Variants in FAM53A observed in about 807,000 individuals in gnomAD.
FAM53A encodes the protein family with sequence similarity 53 member A, also known as protein FAM53A.
Under a neutral mutation model 26.6 loss-of-function variants are expected in FAM53A, and 28 were observed. The observed-to-expected ratio is 1.05, with a 90% CI of 0.78 to 1.45. The LOEUF (loss-of-function observed/expected upper bound fraction) is 1.45. Among genes scored for constraint, FAM53A ranks in the 40% most tolerant of loss-of-function variants. The pLI, the probability that FAM53A is intolerant of heterozygous loss-of-function variation, is 0.00. For synonymous variants in FAM53A, 290 were observed against 253.1 expected, an observed-to-expected ratio of 1.15 and a Z score of -1.38; for missense variants, 650 against 575.8, an observed-to-expected ratio of 1.13 and a Z score of -1.32.
downstream of FAM53A, among the ~76,000 whole-genome samples, chr4:1,635,164 C>A (rs1350352775): frequency 2.0e-5 from 3 of 152,188 alleles, no homozygotes; most frequent in East Asian, 5.8e-4. Flanking sequence ...TGCTCATTCT[C>A]CCCTTTTCTC....
chr4:1,617,909 A>T, downstream of FAM53A: 2 of 398,146 alleles, frequency 5.0e-6, no homozygotes, highest in East Asian at 1.4e-4. Flanking sequence ...AGCAGTCGGC[A>T]GCTGCTGGTG....
intron 1 of FAM53A, among the ~76,000 whole-genome samples, chr4:1,619,003 G>A (rs1037094741): frequency 6.6e-5 from 10 of 152,216 alleles, no homozygotes; most frequent in African/African-American, 4.8e-5. Context: ...AACAAGACGG[G>A]GAAGGGGATG....
the FAM53A span, among the ~76,000 whole-genome samples, chr4:1,599,925 C>G: frequency 6.6e-6 from 1 of 152,056 alleles, no homozygotes; most frequent in African/African-American, 2.4e-5. The surrounding 1 kb of genome is among the most constrained non-coding windows in gnomAD (Gnocchi z 6.1). Flanking sequence ...CGCCCCTCCC[C>G]CTCCTATTTC....
chr4:1,598,175 C>T, the FAM53A span, among the ~76,000 whole-genome samples: 3 of 152,360 alleles, frequency 2.0e-5, no homozygotes, highest in African/African-American at 4.8e-5. Context: ...GCCCCTTCTC[C>T]GGCTGTGGGG....
downstream of FAM53A, among the ~76,000 whole-genome samples, chr4:1,617,140 A>T (rs190474188): frequency 4.2e-4 from 46 of 109,586 alleles, no homozygotes; most frequent in East Asian, 3.8e-3. Flanking sequence ...TTGAAATTTT[A>T]AAAAAAAGTT....
chr4:1,633,385 T>C (rs1715697961), intron 1 of FAM53A, among the ~76,000 whole-genome samples: 1 of 152,228 alleles, frequency 6.6e-6, no homozygotes, highest in Admixed American at 6.5e-5. Context: ...GAGACGATTT[T>C]ATAATTATAT....
At chr4:1,581,343 G>T in the FAM53A span, among the ~76,000 whole-genome samples, 3 of 151,816 alleles carry the variant, frequency 2.0e-5, no homozygotes, top group African/African-American at 7.3e-5. Context: ...CTGTGGTCTT[G>T]CATGCCACAG....
chr4:1,684,583 C>A (rs138928468), upstream of FAM53A, among the ~76,000 whole-genome samples: 1 of 151,776 alleles, frequency 6.6e-6, no homozygotes, highest in East Asian at 1.9e-4. Context: ...TCGGCGGCGT[C>A]CTCCAGGCCT....
At chr4:1,613,925 C>G (rs2108729696), downstream of FAM53A, among the ~76,000 whole-genome samples, 1 of 152,350 alleles carries the variant, frequency 6.6e-6, no homozygotes, top group African/African-American at 2.4e-5. Flanking sequence ...GAGGGAGAGG[C>G]TGGGATCACA....
chr4:1,675,178 G>A (rs1478988159), intron 1 of FAM53A, among the ~76,000 whole-genome samples: 1 of 152,222 alleles, frequency 6.6e-6, no homozygotes, highest in African/African-American at 2.4e-5. Context: ...CTGGGTTCCA[G>A]GTAGATGTAG....
rs116273450 is a variant in FAM53A at position 1,647,832 on chromosome 4, G to A, written c.883-6225C>T. 3.2e-3 allele frequency among the ~76,000 whole-genome samples: 494 copies of A among 152,304 alleles called. 2 individuals carry two copies. The highest frequency in any genetic ancestry group is 0.011 in the African/African-American group (457 of 41,552). ...CACCCAGAGTCAGGACTAATTGTCC[G>A]GTAACACACAATTATAAAAGTTGTA... On this transcript the variant is annotated intron_variant, in intron 4 of 4. Coordinates refer to ENST00000308132, the MANE Select transcript of FAM53A (RefSeq NM_001174070.3).
chr4:1,637,971 C>A (rs560791960), downstream of FAM53A, among the ~76,000 whole-genome samples: 11 of 151,846 alleles, frequency 7.2e-5, no homozygotes, highest in African/African-American at 2.4e-4. Flanking sequence ...GGACCCCCTG[C>A]CTGTGGCTAG....
intron 1 of FAM53A, among the ~76,000 whole-genome samples, chr4:1,620,797 A>C (rs1714994074): frequency 6.6e-6 from 1 of 152,220 alleles, no homozygotes; most frequent in Non-Finnish European, 1.5e-5. Context: ...CAACAGCAAC[A>C]CCAAAACACA....
At chr4:1,655,780 G>A (rs925406016) in intron 3 of FAM53A, 57 bp from the exon 4 acceptor site, 44 of 1,460,738 alleles carry the variant, frequency 3.0e-5, no homozygotes, top group East Asian at 7.7e-5. Context: ...CAGGGCAGGC[G>A]ACATCCATCC....
intron 2 of FAM53A, among the ~76,000 whole-genome samples, chr4:1,663,595 C>T (rs536079531): frequency 2.2e-4 from 34 of 152,160 alleles, no homozygotes; most frequent in Non-Finnish European, 3.1e-4. Context: ...CTGTCCACCA[C>T]GGCAGCCACC....
rs940512416 is a variant in FAM53A, at chr4:1,653,323, G to A, written c.882+1655C>T. ...TCCACACTGAGCCCCATGCAGCCTC[G>A]ATCACCAACTCACCCAACCACCTGG... On this transcript the variant is annotated intron_variant, in intron 4 of 4. Transcript: ENST00000308132. Among the ~76,000 whole-genome samples, 10 of 152,094 alleles carry A rather than the reference G, an allele frequency of 6.6e-5. No individual in the cohort carries two copies. In the East Asian group the frequency reaches 1.5e-3, roughly 23 times the overall value.
intron 1 of FAM53A, among the ~76,000 whole-genome samples, chr4:1,634,616 G>A (rs553107753): frequency 6.6e-6 from 1 of 152,302 alleles, no homozygotes; most frequent in East Asian, 1.9e-4. Context: ...ATCATCTGGG[G>A]GCCAGGCATG....
At chr4:1,612,644 A>G in the FAM53A span, among the ~76,000 whole-genome samples, 7 of 152,200 alleles carry the variant, frequency 4.6e-5, no homozygotes, top group Non-Finnish European at 8.8e-5. Flanking sequence ...GCATGCACAC[A>G]CGCCCAGGCC....
At chr4:1,652,284 C>T (rs1376078844) in intron 4 of FAM53A, among the ~76,000 whole-genome samples, 1 of 147,994 alleles carries the variant, frequency 6.8e-6, no homozygotes, top group African/African-American at 2.5e-5. Context: ...ACCAGACACA[C>T]ACATGCCACA....
Sources: allele counts gnomAD v4.1 joint callset (sites outside exome capture counted in the v4.1 genomes callset), GRCh38; gene constraint gnomAD v4.1.1; non-coding constraint Gnocchi (gnomAD v3.1); transcripts MANE v1.5; gene names NCBI Gene and HGNC (gene_info 2026-07-23, HGNC 2026-07-21).